SOCS7: variants seen among roughly 807,000 people sequenced by gnomAD.
The protein encoded by SOCS7 is NAP-4.
In SOCS7, 18 loss-of-function variants were observed where a neutral mutation model predicts 58.9. The observed-to-expected ratio is 0.31, with a 90% CI of 0.21 to 0.45. The LOEUF (loss-of-function observed/expected upper bound fraction) is 0.45, where lower values mean the gene tolerates loss of function less well. Ranked by LOEUF, SOCS7 falls within the 20% of genes least tolerant of loss-of-function variation. The pLI is 1.00. For synonymous variants in SOCS7, 388 were observed against 364.3 expected, an observed-to-expected ratio of 1.06 and a Z score of -0.74; for missense variants, 667 against 837.3, an observed-to-expected ratio of 0.80 and a Z score of 2.51.
At chr17:38,363,546 G>A (rs1417045231) in intron 2 of SOCS7, among the ~76,000 whole-genome samples, 1 of 152,128 alleles carries the variant, frequency 6.6e-6, no homozygotes, top group Non-Finnish European at 1.5e-5. Flanking sequence ...TGTTGCCCAG[G>A]CTGGTCTTGA....
intron 9 of SOCS7, among the ~76,000 whole-genome samples, chr17:38,398,698 T>C (rs1340612599): frequency 6.6e-6 from 1 of 151,912 alleles, no homozygotes; most frequent in East Asian, 1.9e-4. Context: ...GACTATAGAG[T>C]AATGGCTAGA....
chr17:38,374,295 T>C lies in SOCS7; in HGVS notation c.1553-3419T>C, dbSNP rs2037904531. On this transcript the variant is annotated intron_variant, in intron 6 of 9. Transcript: ENST00000612932. The stretch of plus-strand genomic sequence containing the variant: ...GCTCATGCCTGTAATCCCAGCACTT[T>C]GGGAGGCCAAGGCGGGCAGATCACT... 1.3e-5 allele frequency among the ~76,000 whole-genome samples: 2 copies of C among 152,054 alleles called. 1 individual carries two copies. The highest frequency in any genetic ancestry group is 4.1e-4 in the South Asian group (2 of 4,830).
At chr17:38,391,606 G>T (rs72834019) in intron 7 of SOCS7, among the ~76,000 whole-genome samples, 7,070 of 151,978 alleles carry the variant, frequency 0.047, 193 homozygotes, top group Middle Eastern at 0.21. Context: ...TCCCTATGTT[G>T]CCCAGGCCAA....
chr17:38,403,676 T>C lies in SOCS7; in HGVS notation c.*4194T>C, dbSNP rs1040338826. The stretch of plus-strand genomic sequence containing the variant: ...TACCAGTTAGGGTGTTAAGAGCATC[T>C]CCACTGGGCGGAGACCTGGCATTTG... On this transcript the variant is annotated 3_prime_UTR_variant, in exon 10 of 10. Coordinates refer to ENST00000612932, the MANE Select transcript of SOCS7 (RefSeq NM_014598.4). The C allele has an allele frequency of 1.3e-5, 2 of 152,154 alleles. No homozygotes were observed. The highest frequency in any genetic ancestry group is 2.9e-5 in the Non-Finnish European group (2 of 68,042). The allele number at this position is 152,154 out of a possible 1,614,324, so 9.4% of individuals were successfully genotyped here.
chr17:38,391,991 G>C (rs1036008018), intron 7 of SOCS7, among the ~76,000 whole-genome samples: 3 of 152,162 alleles, frequency 2.0e-5, no homozygotes, highest in African/African-American at 7.2e-5. Context: ...AACTAGGTTT[G>C]TGCCCAGGAC....
chr17:38,366,093 A>C, intron 4 of SOCS7, 194 bp from the exon 5 acceptor site: 1 of 1,231,284 alleles, frequency 8.1e-7, no homozygotes. Context: ...CATCCTTCAC[A>C]GCTTACACAA....
At chr17:38,395,537 G>T in intron 8 of SOCS7, 93 bp downstream of exon 8, 3 of 1,255,206 alleles carry the variant, frequency 2.4e-6, no homozygotes, top group Non-Finnish European at 3.4e-6. Flanking sequence ...ACCTTCACAG[G>T]CAGAGTCTGG....
chr17:38,387,117 A>ATG (rs1357448961), intron 7 of SOCS7, among the ~76,000 whole-genome samples: 2 of 105,650 alleles, frequency 1.9e-5, no homozygotes, highest in African/African-American at 4.7e-5. Flanking sequence ...ATATATATAT[A>ATG]TATATATATA....
chr17:38,365,243 C>A, intron 3 of SOCS7, 65 bp from the exon 4 acceptor site: 6 of 1,251,030 alleles, frequency 4.8e-6, no homozygotes, highest in Non-Finnish European at 5.7e-6. Context: ...TCCCTCTCCT[C>A]TGCCTTCAGC....
At chr17:38,370,513 A>T (rs551146779) in intron 6 of SOCS7, among the ~76,000 whole-genome samples, 7 of 148,638 alleles carry the variant, frequency 4.7e-5, no homozygotes, top group Non-Finnish European at 8.9e-5. Context: ...ATTTAAAAAA[A>T]TTTTTTTAGT....
At position 38,352,132 on chromosome 17, in the gene SOCS7, A is replaced by C; in HGVS notation, c.80A>C (p.Tyr27Ser). The C allele has an allele frequency of 2.0e-6, 2 of 1,000,598 alleles. No individual in the cohort carries two copies. Among genetic ancestry groups the C allele is most frequent in the Non-Finnish European group, 2.5e-6 (2 of 787,278 alleles). 62.0% of individuals were successfully genotyped at this position (1,000,598 alleles called of 1,614,324 possible). A position where few individuals can be genotyped will look rare whatever the true frequency, so the allele number is the denominator to read the frequency against. ...SYRVLSRLLG[Y>S]GEAAPEPGPP... is the part of the protein sequence containing the mutation. Reference sequence around the variant, plus strand: ...CGCGTCCTGAGCCGCCTCCTTGGCTATGGAGAGGCGGCCCCCGAGCCAGGC... The same window carrying C: ...CGCGTCCTGAGCCGCCTCCTTGGCTCTGGAGAGGCGGCCCCCGAGCCAGGC... Residue 27 changes from tyrosine to serine, a missense_variant, in exon 1 of 10, where the codon TAT becomes TCT. This residue lies in a region of SOCS7 where 65 missense variants were observed against 51.0 expected (regional missense o/e 1.27). Coordinates refer to ENST00000612932, the MANE Select transcript of SOCS7 (RefSeq NM_014598.4). The surrounding 1 kb of genome is among the most constrained non-coding windows in gnomAD (Gnocchi z 5.5).
At chr17:38,377,103 A>G (rs1350806919) in intron 6 of SOCS7, among the ~76,000 whole-genome samples, 1 of 152,220 alleles carries the variant, frequency 6.6e-6, no homozygotes, top group Non-Finnish European at 1.5e-5. Flanking sequence ...TTCTCTGAAC[A>G]TATTTCTGTC....
intron 9 of SOCS7, among the ~76,000 whole-genome samples, chr17:38,398,584 ACTT>A (rs1429638420): frequency 2.0e-5 from 3 of 151,962 alleles, no homozygotes; most frequent in Non-Finnish European, 4.4e-5. Flanking sequence ...GGCCTTTATG[ACTT>A]CTTGTTGTTC....
At chr17:38,353,600 T>C (rs970475157) in intron 1 of SOCS7, among the ~76,000 whole-genome samples, 4 of 152,144 alleles carry the variant, frequency 2.6e-5, no homozygotes, top group Non-Finnish European at 5.9e-5. Context: ...CTGACCACTG[T>C]CTCTGAGAAT....
intron 7 of SOCS7, among the ~76,000 whole-genome samples, chr17:38,381,407 G>A (rs1040602295): frequency 5.3e-5 from 8 of 152,134 alleles, no homozygotes; most frequent in Admixed American, 3.3e-4. Flanking sequence ...GTCAGTCTGC[G>A]TCAGGGATTT....
intron 6 of SOCS7, among the ~76,000 whole-genome samples, chr17:38,373,207 A>G (rs1026859337): frequency 6.6e-6 from 1 of 152,222 alleles, no homozygotes; most frequent in African/African-American, 2.4e-5. Flanking sequence ...AGGAAAGTGA[A>G]AAAACTAGAG....
Position 38,365,253 on chromosome 17 carries a change from C to T in SOCS7, c.1151-55C>T, listed in dbSNP as rs587716644. 37 of 1,339,876 alleles carry T rather than the reference C, an allele frequency of 2.8e-5. No homozygotes were observed. The African/African-American group carries it at 3.0e-4, about 11-fold the overall frequency. 83.0% of individuals were successfully genotyped at this position (1,339,876 alleles called of 1,614,324 possible). The stretch of plus-strand genomic sequence containing the variant: ...CCTTCTCCCTCTCCTCTGCCTTCAG[C>T]GTGCTCATTCTGTGCTCACATTTCT... On this transcript the variant is annotated intron_variant, in intron 3 of 9. Transcript: ENST00000612932.
intron 1 of SOCS7, among the ~76,000 whole-genome samples, chr17:38,360,697 A>T (rs1176349764): frequency 6.6e-6 from 1 of 150,848 alleles, no homozygotes; most frequent in East Asian, 2.0e-4. Flanking sequence ...CCGCCACCAC[A>T]CCCGGCTAAT....
At chr17:38,382,067 C>A (rs2038010522) in intron 7 of SOCS7, among the ~76,000 whole-genome samples, 2 of 149,908 alleles carry the variant, frequency 1.3e-5, no homozygotes, top group Admixed American at 6.7e-5. Context: ...AGGCTAAAAG[C>A]AAACATACCC....
Sources: allele counts gnomAD v4.1 joint callset (sites outside exome capture counted in the v4.1 genomes callset), GRCh38; gene constraint gnomAD v4.1.1; regional missense constraint gnomAD v4.1.1; non-coding constraint Gnocchi (gnomAD v3.1); transcripts MANE v1.5; gene names NCBI Gene and HGNC (gene_info 2026-07-23, HGNC 2026-07-21).